Variants in ACOXL observed in about 807,000 individuals in gnomAD.
ACOXL encodes acyl-CoA oxidase like.
Under a neutral mutation model 71.9 loss-of-function variants are expected in ACOXL, and 70 were observed. The ratio of observed to expected loss-of-function variants is 0.97; its 90% confidence interval spans 0.80 to 1.19. The LOEUF (loss-of-function observed/expected upper bound fraction) is 1.19, where lower values mean the gene tolerates loss of function less well. ACOXL is among the 50% of genes most tolerant of loss of function. ACOXL has a pLI of 0.00. For synonymous variants in ACOXL, 253 were observed against 281.6 expected (o/e 0.90, Z 1.02); for missense variants, 703 against 736.3 (o/e 0.95, Z 0.52).
chr2:111,084,899 G>GAAAAAAAA (rs113297442), intron 16 of ACOXL, among the ~76,000 whole-genome samples: 1 of 112,922 alleles, frequency 8.9e-6, no homozygotes. Context: ...TGGAAAACAG[G>GAAAAAAAA]AAAAAAAAAA....
At chr2:110,825,363 T>A (rs1689049164) in intron 9 of ACOXL, among the ~76,000 whole-genome samples, 1 of 152,122 alleles carries the variant, frequency 6.6e-6, no homozygotes, top group Admixed American at 6.5e-5. Context: ...CCTGTGCCAC[T>A]CTCTACTTCA....
rs561658493 is a variant in ACOXL at position 110,829,379 on chromosome 2, T to C, written c.754-11992T>C. Among the ~76,000 whole-genome samples, 34 of 152,292 alleles carry C rather than the reference T, an allele frequency of 2.2e-4. 1 individual carries two copies. The South Asian group carries it at 6.8e-3, about 31-fold the overall frequency. On this transcript the variant is annotated intron_variant, in intron 9 of 17. Coordinates refer to ENST00000439055, the MANE Select transcript of ACOXL (RefSeq NM_001142807.4). ...TACTGATAGCCGTGGGGCATGCTGA[T>C]CTTCCCTTAGCTGTGTCTCTTGACT...
chr2:110,887,245 C>T (rs1697408032), intron 10 of ACOXL: 1 of 169,702 alleles, frequency 5.9e-6, no homozygotes, highest in African/African-American at 2.4e-5. Flanking sequence ...TAGGACCAGA[C>T]CACTGATATC....
intron 12 of ACOXL, among the ~76,000 whole-genome samples, chr2:110,982,234 C>A (rs2149529358): frequency 6.6e-6 from 1 of 152,260 alleles, no homozygotes; most frequent in South Asian, 2.1e-4. Flanking sequence ...CAGCTCACTG[C>A]AACCTCCACC....
At chr2:110,960,407 G>A (rs963381568) in intron 12 of ACOXL, among the ~76,000 whole-genome samples, 5 of 152,320 alleles carry the variant, frequency 3.3e-5, no homozygotes, top group African/African-American at 7.2e-5. Flanking sequence ...CTGTAAAGAC[G>A]TGTGAAGGTC....
At chr2:110,950,071 T>C (rs1359782786) in intron 12 of ACOXL, among the ~76,000 whole-genome samples, 1 of 152,064 alleles carries the variant, frequency 6.6e-6, no homozygotes, top group Non-Finnish European at 1.5e-5. Flanking sequence ...ATTATTATAC[T>C]TTAAGTTTTA....
At chr2:110,916,672 TAAA>T (rs2059872692) in intron 11 of ACOXL, among the ~76,000 whole-genome samples, 1 of 151,794 alleles carries the variant, frequency 6.6e-6, no homozygotes, top group Non-Finnish European at 1.5e-5. Flanking sequence ...GCCAGACTAA[TAAA>T]GAAGAAAAGA....
intron 2 of ACOXL, among the ~76,000 whole-genome samples, chr2:110,779,325 A>G (rs1222602783): frequency 1.3e-5 from 2 of 152,196 alleles, no homozygotes; most frequent in African/African-American, 2.4e-5. Context: ...CTAGACATGG[A>G]GGATGTGGTC....
intron 17 of ACOXL, chr2:111,100,520 A>G (rs1257073140): frequency 6.5e-6 from 1 of 152,718 alleles, no homozygotes; most frequent in Non-Finnish European, 1.5e-5. Context: ...ATTTGATCAT[A>G]TTTACACCCA....
At chr2:111,111,865 G>A (rs2150082556) in intron 17 of ACOXL, among the ~76,000 whole-genome samples, 1 of 152,352 alleles carries the variant, frequency 6.6e-6, no homozygotes, top group South Asian at 2.1e-4. Context: ...AAGGAAGGTA[G>A]TATGGCTTGG....
At chr2:110,738,711 G>C (rs971158525) in intron 1 of ACOXL, among the ~76,000 whole-genome samples, 24 of 152,102 alleles carry the variant, frequency 1.6e-4, no homozygotes, top group African/African-American at 5.8e-4. Flanking sequence ...GGCATGCAGT[G>C]GGCCCTTTTA....
chr2:111,043,515 G>A (rs1255047639), intron 15 of ACOXL, among the ~76,000 whole-genome samples: 1 of 152,146 alleles, frequency 6.6e-6, no homozygotes, highest in Non-Finnish European at 1.5e-5. Flanking sequence ...ACAGGTGGGA[G>A]GAGAGGGCTG....
chr2:110,859,020 A>G (rs2148970251), intron 10 of ACOXL, among the ~76,000 whole-genome samples: 1 of 152,368 alleles, frequency 6.6e-6, no homozygotes, highest in East Asian at 1.9e-4. Context: ...CTCCATTTCT[A>G]TATGACAATT....
intron 11 of ACOXL, among the ~76,000 whole-genome samples, chr2:110,913,543 A>G (rs533209068): frequency 3.3e-5 from 5 of 152,350 alleles, no homozygotes; most frequent in African/African-American, 1.2e-4. Context: ...TGAAATTTCC[A>G]GAATAGTCAG....
chr2:110,920,923 A>G (rs2060043111), intron 11 of ACOXL, among the ~76,000 whole-genome samples: 1 of 152,070 alleles, frequency 6.6e-6, no homozygotes, highest in Admixed American at 6.5e-5. Flanking sequence ...TAAGCATTTT[A>G]CCTTTTTGAA....
intron 10 of ACOXL, among the ~76,000 whole-genome samples, chr2:110,844,688 C>T (rs1276077554): frequency 6.6e-6 from 1 of 152,048 alleles, no homozygotes; most frequent in Non-Finnish European, 1.5e-5. Flanking sequence ...GCTGGGATTA[C>T]AGGCACCTGC....
At chr2:110,909,476 G>A (rs954587060) in intron 11 of ACOXL, among the ~76,000 whole-genome samples, 17 of 151,918 alleles carry the variant, frequency 1.1e-4, no homozygotes, top group South Asian at 2.1e-4. Flanking sequence ...CATCATCCCC[G>A]CATTATAAAG....
intron 10 of ACOXL, among the ~76,000 whole-genome samples, chr2:110,871,845 G>A (rs1035932858): frequency 1.3e-5 from 2 of 152,130 alleles, no homozygotes; most frequent in Admixed American, 1.3e-4. Flanking sequence ...TCCTTTGGTT[G>A]CCTGCATCCT....
intron 10 of ACOXL, among the ~76,000 whole-genome samples, chr2:110,885,808 G>A (rs1049998588): frequency 6.6e-6 from 1 of 152,182 alleles, no homozygotes; most frequent in African/African-American, 2.4e-5. Flanking sequence ...TCAGATGTAT[G>A]CAGTTATATA....
Sources: gnomAD v4.1 joint callset for allele counts (sites outside exome capture counted in the v4.1 genomes callset) on GRCh38, gnomAD v4.1.1 for gene constraint, MANE v1.5 for transcripts, NCBI Gene and HGNC (gene_info 2026-07-23, HGNC 2026-07-21) for gene names.